Variants in MED27 observed in about 807,000 individuals in gnomAD.
MED27 encodes the protein mediator of RNA polymerase II transcription subunit 27.
In MED27, 30 loss-of-function variants were observed where a neutral mutation model predicts 38.2. The ratio of observed to expected loss-of-function variants is 0.79; its 90% CI spans 0.59 to 1.07. The LOEUF (loss-of-function observed/expected upper bound fraction) is 1.07, where lower values mean the gene tolerates loss of function less well. Ranked by LOEUF, MED27 falls within the 50% of genes least tolerant of loss-of-function variation. MED27 has a pLI of 0.00. For missense variants in MED27, 289 were observed against 397.5 expected (o/e 0.73, Z 2.32); for synonymous variants, 122 against 153.5 (o/e 0.79, Z 1.52).
intron 2 of MED27, among the ~76,000 whole-genome samples, chr9:132,060,198 T>C (rs1244952433): frequency 1.3e-5 from 2 of 152,184 alleles, no homozygotes; most frequent in African/African-American, 4.8e-5. Flanking sequence ...TGCGTAGAGA[T>C]TAATGGGAGA....
intron 2 of MED27, among the ~76,000 whole-genome samples, chr9:132,037,289 T>C (rs957662302): frequency 1.3e-5 from 2 of 152,314 alleles, no homozygotes; most frequent in South Asian, 2.1e-4. Flanking sequence ...ACGGTTACTA[T>C]ACACTGGTAT....
chr9:131,961,114 C>T (rs780362028), intron 3 of MED27, among the ~76,000 whole-genome samples: 2 of 152,162 alleles, frequency 1.3e-5, no homozygotes, highest in Non-Finnish European at 2.9e-5. Flanking sequence ...TAAATGGGTA[C>T]GAAAACAAGG....
At position 131,866,392 on chromosome 9, in the gene MED27, T is replaced by C. The variant is rs138358079; in HGVS notation, c.724-3252A>G. 1.6e-4 allele frequency among the ~76,000 whole-genome samples: 24 copies of C among 152,362 alleles called. No individual in the cohort carries two copies. In the East Asian group the frequency reaches 4.4e-3, roughly 28 times the overall value. The stretch of plus-strand genomic sequence containing the variant: ...TTCCAGACCTGCACCTCCTCCAGCA[T>C]TTTTGCTAAATGGCCTTTGACCCAG... On this transcript the variant is annotated intron_variant, in intron 6 of 7. Coordinates refer to ENST00000292035, the MANE Select transcript of MED27 (RefSeq NM_004269.4).
At chr9:131,992,397 T>A (rs1303576278) in intron 3 of MED27, among the ~76,000 whole-genome samples, 1 of 152,162 alleles carries the variant, frequency 6.6e-6, no homozygotes, top group Non-Finnish European at 1.5e-5. Flanking sequence ...GGTACCTTCA[T>A]TCATTCATTC....
chr9:131,942,321 C>T (rs181589049), intron 3 of MED27, among the ~76,000 whole-genome samples: 5 of 152,184 alleles, frequency 3.3e-5, no homozygotes, highest in African/African-American at 7.2e-5. Context: ...CATTGCCTGA[C>T]GTTTCTTGAA....
At chr9:132,076,654 T>C (rs909131372) in intron 2 of MED27, among the ~76,000 whole-genome samples, 1 of 152,096 alleles carries the variant, frequency 6.6e-6, no homozygotes, top group African/African-American at 2.4e-5. Flanking sequence ...GGCAGCACAG[T>C]ATAATAAAAG....
intron 4 of MED27, among the ~76,000 whole-genome samples, chr9:131,905,826 G>A (rs568794894): frequency 7.8e-4 from 118 of 151,478 alleles, no homozygotes; most frequent in Admixed American, 1.8e-3. Flanking sequence ...GCCTTGGACT[G>A]CAAATTGTTC....
intron 4 of MED27, among the ~76,000 whole-genome samples, chr9:131,898,024 C>A (rs1829862882): frequency 6.6e-6 from 1 of 152,058 alleles, no homozygotes; most frequent in Non-Finnish European, 1.5e-5. Context: ...CTGGTGGCAT[C>A]CCAGTGGTAT....
chr9:131,922,442 CT>C (rs67385233), intron 4 of MED27, among the ~76,000 whole-genome samples: 99,845 of 120,226 alleles, frequency 0.83, 41,116 homozygotes, highest in African/African-American at 0.89. Context: ...GCTTCTGTGT[CT>C]TTTTTTTTTT....
At chr9:132,078,395 A>G (rs923687176) in intron 1 of MED27, among the ~76,000 whole-genome samples, 1 of 152,202 alleles carries the variant, frequency 6.6e-6, no homozygotes, top group Non-Finnish European at 1.5e-5. Context: ...GGGTTATAAT[A>G]TCCTGAACAT....
chr9:132,075,203 G>A (rs1336785975), intron 2 of MED27, among the ~76,000 whole-genome samples: 1 of 152,188 alleles, frequency 6.6e-6, no homozygotes, highest in Non-Finnish European at 1.5e-5. Flanking sequence ...AAAACATCAA[G>A]TTTTAGAGGA....
At chr9:131,891,264 C>T (rs903009145) in intron 5 of MED27, among the ~76,000 whole-genome samples, 10 of 152,146 alleles carry the variant, frequency 6.6e-5, no homozygotes, top group African/African-American at 1.7e-4. Context: ...ACAGGGAGCA[C>T]GCGGCTGGAG....
intron 2 of MED27, among the ~76,000 whole-genome samples, chr9:132,044,656 A>ATCTGAAGGACAAC (rs960535539): frequency 6.6e-6 from 1 of 152,262 alleles, no homozygotes; most frequent in Non-Finnish European, 1.5e-5. Flanking sequence ...CTGACCTCAC[A>ATCTGAAGGACAAC]TCTGAAGGAC....
chr9:131,882,385 T>C (rs9411411), intron 6 of MED27, among the ~76,000 whole-genome samples: 129,613 of 152,184 alleles, frequency 0.85, 55,298 homozygotes, highest in Middle Eastern at 0.88. Flanking sequence ...ACAGAGGTAG[T>C]GGATGTACAC....
chr9:131,924,677 T>C (rs186821943), intron 4 of MED27, among the ~76,000 whole-genome samples: 57 of 152,326 alleles, frequency 3.7e-4, no homozygotes, highest in Admixed American at 9.8e-4. Context: ...ACTAGCCTGT[T>C]TGTCTACTTA....
At chr9:132,076,274 T>C (rs548450085) in intron 2 of MED27, among the ~76,000 whole-genome samples, 1 of 152,236 alleles carries the variant, frequency 6.6e-6, no homozygotes, top group African/African-American at 2.4e-5. Flanking sequence ...GCTTTTTTTT[T>C]TGGCTAAATC....
In MED27 at chr9:132,003,050, G is replaced by A. The variant is rs3935101; in HGVS notation, c.479+11287C>T. Among the ~76,000 whole-genome samples, 93,764 of 151,838 alleles carry A rather than the reference G, an allele frequency of 0.62. 29,666 individuals carry two copies. The highest frequency in any genetic ancestry group is 0.68 in the Non-Finnish European group (46,098 of 67,936). On this transcript the variant is annotated intron_variant, in intron 3 of 7. Transcript: ENST00000292035. This position sits in a 1 kb window ranked among gnomAD's most constrained non-coding sequence, Gnocchi z 4.2. ...TAGTTGGGGGACAGCATGGTGTGAA[G>A]TATTAACAATCCTGAAGCTCTTTGT...
intron 6 of MED27, chr9:131,868,818 A>G (rs1464226460): frequency 2.0e-6 from 2 of 985,356 alleles, no homozygotes; most frequent in Non-Finnish European, 2.4e-6. Flanking sequence ...GGGAAGCTAC[A>G]GTTCCGACGC....
At chr9:131,984,520 C>T (rs1032201058) in intron 3 of MED27, among the ~76,000 whole-genome samples, 3 of 151,922 alleles carry the variant, frequency 2.0e-5, no homozygotes, top group Non-Finnish European at 4.4e-5. Context: ...AAACAAAACA[C>T]AACATAATAC....
Sources: gnomAD v4.1 joint callset for allele counts (sites outside exome capture counted in the v4.1 genomes callset) on GRCh38, gnomAD v4.1.1 for gene constraint, Gnocchi (gnomAD v3.1) non-coding constraint, MANE v1.5 for transcripts, NCBI Gene and HGNC (gene_info 2026-07-23, HGNC 2026-07-21) for gene names.